The following TNPO1 variants were observed in gnomAD, a reference collection of about 807,000 sequenced individuals.
The protein encoded by TNPO1 is transportin 1, also known as transportin-1.
TNPO1 carries 8 observed loss-of-function variants against 119.5 expected under a neutral mutation model. The ratio of observed to expected loss-of-function variants is 0.07; its 90% CI spans 0.04 to 0.12. TNPO1 has a LOEUF of 0.12. Ranked by LOEUF, TNPO1 falls within the 10% of genes least tolerant of loss-of-function variation. The probability of loss-of-function intolerance (pLI) is 1.00; values close to 1 mark genes in which losing one functional copy is unlikely to be tolerated. For missense variants in TNPO1, 576 were observed against 1,089.8 expected, an observed-to-expected ratio of 0.53 and a Z score of 6.64; for synonymous variants, 362 against 363.0, an observed-to-expected ratio of 1.00 and a Z score of 0.03.
chr5:72,894,762 C>G (rs1043199823), intron 18 of TNPO1, among the ~76,000 whole-genome samples: 4 of 152,104 alleles, frequency 2.6e-5, no homozygotes, highest in African/African-American at 9.6e-5. Context: ...TTTGGATAAC[C>G]ATTTCTCAAA....
At chr5:72,857,794 A>C (rs1227854447) in intron 4 of TNPO1, among the ~76,000 whole-genome samples, 1 of 152,246 alleles carries the variant, frequency 6.6e-6, no homozygotes. Flanking sequence ...CTGTGTCTTT[A>C]AATTTGAAAG....
chr5:72,841,006 T>C (rs955458328), intron 1 of TNPO1, among the ~76,000 whole-genome samples: 4 of 152,218 alleles, frequency 2.6e-5, no homozygotes, highest in Non-Finnish European at 5.9e-5. Context: ...TTATGGTCCC[T>C]GTCCTTCTAA....
chr5:72,834,126 CAT>C (rs1179744095), intron 1 of TNPO1, among the ~76,000 whole-genome samples: 8 of 152,206 alleles, frequency 5.3e-5, no homozygotes, highest in African/African-American at 1.9e-4. Flanking sequence ...ATTACTCACT[CAT>C]ATGTCTGCGG....
intron 12 of TNPO1, among the ~76,000 whole-genome samples, chr5:72,887,825 C>T (rs919034098): frequency 1.5e-4 from 23 of 152,262 alleles, no homozygotes; most frequent in African/African-American, 4.6e-4. Context: ...TCTTCATTCT[C>T]TATGAAGGGT....
chr5:72,885,633 A>G (rs1748565067), intron 11 of TNPO1, among the ~76,000 whole-genome samples: 1 of 152,014 alleles, frequency 6.6e-6, no homozygotes, highest in African/African-American at 2.4e-5. Flanking sequence ...GTTGCATGTC[A>G]GTGTACTGTT....
rs187602029 is a variant in TNPO1 at position 72,852,016 on chromosome 5, C to G, written c.205+697C>G. 9.6e-3 allele frequency among the ~76,000 whole-genome samples: 1,454 copies of G among 152,192 alleles called. 8 individuals are homozygous for G. The highest frequency in any genetic ancestry group is 0.014 in the Admixed American group (216 of 15,290). ...ATAATCAAAATGAAAAATTATTTAT[C>G]CCATCTTCCAGAGATGATTATTGTT... On this transcript the variant is annotated intron_variant, in intron 3 of 24. Coordinates refer to ENST00000337273, the MANE Select transcript of TNPO1 (RefSeq NM_002270.4).
chr5:72,890,416 A>C lies in TNPO1; in HGVS notation c.1701+459A>C, dbSNP rs576510180. On this transcript the variant is annotated intron_variant, in intron 14 of 24. Coordinates refer to ENST00000337273, the MANE Select transcript of TNPO1 (RefSeq NM_002270.4). ...TTAAAAATGCTAAATAGTAATGCAA[A>C]AGTGCCTTGTTTCCAGTAGTGTTAG... 3.9e-5 allele frequency among the ~76,000 whole-genome samples: 6 copies of C among 152,290 alleles called. No individual in the cohort carries two copies. In the East Asian group the frequency reaches 1.2e-3, roughly 29 times the overall value.
Position 72,872,740 on chromosome 5 carries a change from C to T in TNPO1, c.678+20C>T, listed in dbSNP as rs1256604901. Reference sequence around the variant, plus strand: ...ATTGAGGTAAGACTTGTTCTTGTCTCCCTCCCAACCCCCCAGCTTTTTTTT... The same window carrying T: ...ATTGAGGTAAGACTTGTTCTTGTCTTCCTCCCAACCCCCCAGCTTTTTTTT... On this transcript the variant is annotated intron_variant, in intron 7 of 24. Coordinates refer to ENST00000337273, the MANE Select transcript of TNPO1 (RefSeq NM_002270.4). 6.5e-7 allele frequency: 1 copy of T among 1,541,018 alleles called. No individual in the cohort carries two copies. Among genetic ancestry groups the T allele is most frequent in the South Asian group, 1.3e-5 (1 of 78,942 alleles).
chr5:72,877,376 T>C, intron 9 of TNPO1, 30 bp downstream of exon 9: 1 of 1,069,950 alleles, frequency 9.3e-7, no homozygotes, highest in Non-Finnish European at 1.4e-6. Context: ...AATGCTGCCT[T>C]GTTCTTTAAT....
chr5:72,897,044 G>GA lies in TNPO1; in HGVS notation c.2243-11dup. 6.6e-7 allele frequency: 1 copy of GA among 1,519,404 alleles called. No homozygotes were observed. Among genetic ancestry groups the GA allele is most frequent in the Non-Finnish European group, 8.8e-7 (1 of 1,136,382 alleles). The allele number at this position is 1,519,404 out of a possible 1,614,324, so 94.1% of individuals were successfully genotyped here. A position where few individuals can be genotyped will look rare whatever the true frequency, so the allele number is the denominator to read the frequency against. On this transcript the variant is annotated splice_polypyrimidine_tract_variant and intron_variant, in intron 19 of 24. Coordinates refer to ENST00000337273, the MANE Select transcript of TNPO1 (RefSeq NM_002270.4). ...TTCTTTTTTGTTTTTTTCTTTTTGG[G>GA]ATGATCTCTAGGTATAGAGATGCAG...
intron 1 of TNPO1, among the ~76,000 whole-genome samples, chr5:72,835,064 G>A (rs1482335835): frequency 2.6e-5 from 4 of 152,178 alleles, no homozygotes; most frequent in Admixed American, 2.0e-4. Context: ...GCCTAGGTGT[G>A]TAGTAGGCTA....
intron 1 of TNPO1, among the ~76,000 whole-genome samples, chr5:72,825,213 T>TA (rs1194687941): frequency 1.2e-4 from 19 of 152,292 alleles, no homozygotes. Flanking sequence ...CTTCCAACAG[T>TA]ATTTTCTCAA....
At chr5:72,824,642 T>C (rs1744124057) in intron 1 of TNPO1, among the ~76,000 whole-genome samples, 1 of 152,220 alleles carries the variant, frequency 6.6e-6, no homozygotes, top group Non-Finnish European at 1.5e-5. Flanking sequence ...ATTCTCCTTT[T>C]CCTTTATTTT....
chr5:72,883,386 T>G (rs893328602), intron 11 of TNPO1, among the ~76,000 whole-genome samples, 154 bp downstream of exon 11: 1 of 152,184 alleles, frequency 6.6e-6, no homozygotes, highest in Admixed American at 6.5e-5. Flanking sequence ...CACAATCAGT[T>G]GTAGACTATG....
intron 1 of TNPO1, among the ~76,000 whole-genome samples, chr5:72,843,604 A>C (rs903866761): frequency 2.3e-4 from 35 of 152,082 alleles, no homozygotes; most frequent in African/African-American, 6.5e-4. Context: ...AAAAAAAAAA[A>C]AAACAAACCC....
At chr5:72,854,708 T>C (rs1264181245) in intron 3 of TNPO1, among the ~76,000 whole-genome samples, 1 of 152,254 alleles carries the variant, frequency 6.6e-6, no homozygotes, top group Non-Finnish European at 1.5e-5. Flanking sequence ...ATTGCTAATA[T>C]TGTTGGTGTT....
Position 72,881,057 on chromosome 5 carries a change from C to T in TNPO1, c.921-1410C>T, listed in dbSNP as rs537611996. ...TTCTTGCAAACCTTACTAGGCCCAT[C>T]TGCCACCCCATTCCAAGGCCCTTGA... is the stretch of plus-strand genomic sequence containing the variant. On this transcript the variant is annotated intron_variant, in intron 9 of 24. Transcript: ENST00000337273. Among the ~76,000 whole-genome samples the T allele has an allele frequency of 3.3e-5, 5 of 152,214 alleles. No individual in the cohort carries two copies. In the East Asian group the frequency reaches 9.7e-4, roughly 29 times the overall value.
rs1372890757 is a variant in TNPO1, at chr5:72,823,749, G to GT, written c.15+7005dup. 1.4e-4 allele frequency among the ~76,000 whole-genome samples: 21 copies of GT among 151,608 alleles called. 1 individual carries two copies. The South Asian group carries it at 2.9e-3, about 21-fold the overall frequency. On this transcript the variant is annotated intron_variant, in intron 1 of 24. Transcript: ENST00000337273. The stretch of plus-strand genomic sequence containing the variant: ...AGCTCTAGTTAAAACAAACTCTGGG[G>GT]TTTTTTTTGCACTTGCCCCTATGTA...
intron 1 of TNPO1, among the ~76,000 whole-genome samples, chr5:72,817,525 C>G (rs896943855): frequency 6.6e-6 from 1 of 152,164 alleles, no homozygotes; most frequent in Admixed American, 6.5e-5. Flanking sequence ...GCAAGGATTG[C>G]TTAGAGTTTA....
Sources: allele counts gnomAD v4.1 joint callset (sites outside exome capture counted in the v4.1 genomes callset), GRCh38; gene constraint gnomAD v4.1.1; transcripts MANE v1.5; gene names NCBI Gene and HGNC (gene_info 2026-07-23, HGNC 2026-07-21).